The following RBFOX1 variants were observed in gnomAD, a reference collection of about 807,000 sequenced individuals.
The protein encoded by RBFOX1 is RNA binding protein fox-1 homolog 1.
In RBFOX1, 8 loss-of-function variants were observed where a neutral mutation model predicts 57.7. The ratio of observed to expected loss-of-function variants is 0.14; its 90% CI spans 0.08 to 0.25. RBFOX1 has a LOEUF of 0.25. Among genes scored for constraint, RBFOX1 ranks in the 10% least tolerant of loss-of-function variants. RBFOX1 has a pLI of 1.00. For missense variants in RBFOX1, 611 were observed against 548.5 expected (o/e 1.11, Z -1.14); for synonymous variants, 326 against 222.4 (o/e 1.47, Z -4.15).
chr16:6,514,590 G>A (rs1409353461), intron 2 of RBFOX1, among the ~76,000 whole-genome samples: 5 of 152,126 alleles, frequency 3.3e-5, no homozygotes, highest in African/African-American at 7.2e-5. Flanking sequence ...GAGCATTCCT[G>A]ATGTTCCCCT....
chr16:7,328,467 G>T (rs2096641380), intron 4 of RBFOX1, among the ~76,000 whole-genome samples: 1 of 110,926 alleles, frequency 9.0e-6, no homozygotes, highest in Non-Finnish European at 1.7e-5. Context: ...GACAGAGCGA[G>T]ACTCTGTCTC....
At chr16:5,912,010 A>C (rs1345361193) in intron 4 of RBFOX1, among the ~76,000 whole-genome samples, 1 of 152,144 alleles carries the variant, frequency 6.6e-6, no homozygotes, top group African/African-American at 2.4e-5. Context: ...CCAAAGGAGA[A>C]CCTCTAAAAT....
intron 2 of RBFOX1, among the ~76,000 whole-genome samples, chr16:6,364,156 C>G (rs1366190189): frequency 6.6e-6 from 1 of 152,204 alleles, no homozygotes; most frequent in Non-Finnish European, 1.5e-5. Context: ...AAGTCCAACT[C>G]TCCTTTGCAA....
chr16:6,603,704 T>G (rs1377726150), intron 2 of RBFOX1, among the ~76,000 whole-genome samples: 1 of 152,172 alleles, frequency 6.6e-6, no homozygotes, highest in Non-Finnish European at 1.5e-5. Flanking sequence ...ATCCTCTTCT[T>G]TCCCATGGGT....
intron 2 of RBFOX1, among the ~76,000 whole-genome samples, chr16:6,345,312 A>G (rs771698502): frequency 5.3e-5 from 8 of 152,228 alleles, no homozygotes; most frequent in Non-Finnish European, 7.3e-5. Flanking sequence ...GGCTCCCCCT[A>G]TAGGCAGTGT....
intron 4 of RBFOX1, among the ~76,000 whole-genome samples, chr16:5,970,474 A>G (rs977618894): frequency 2.6e-5 from 4 of 152,156 alleles, no homozygotes; most frequent in African/African-American, 7.2e-5. Flanking sequence ...TCTGCTACAC[A>G]TAAGGAACAT....
At chr16:6,621,515 G>C (rs1045967520) in intron 2 of RBFOX1, among the ~76,000 whole-genome samples, 3 of 152,110 alleles carry the variant, frequency 2.0e-5, no homozygotes, top group African/African-American at 7.2e-5. Context: ...TTAGTGTCAG[G>C]CTGTACCCTA....
At chr16:7,333,659 A>G (rs905070955) in intron 4 of RBFOX1, among the ~76,000 whole-genome samples, 5 of 152,204 alleles carry the variant, frequency 3.3e-5, no homozygotes, top group Non-Finnish European at 7.3e-5. Context: ...AGATGTGTAC[A>G]TCTTAATGAT....
chr16:5,289,229 T>A (rs566237805), intron 1 of RBFOX1: 2 of 363,714 alleles, frequency 5.5e-6, no homozygotes, highest in Admixed American at 5.6e-5. Context: ...CTGGGCTGAC[T>A]GGGCACCATC....
intron 3 of RBFOX1, among the ~76,000 whole-genome samples, chr16:6,695,237 G>C (rs908460608): frequency 9.9e-5 from 15 of 151,868 alleles, no homozygotes; most frequent in African/African-American, 3.6e-4. Flanking sequence ...TTGGCCAACA[G>C]GGTGAAACTC....
chr16:7,181,303 G>T (rs191466782), intron 4 of RBFOX1, among the ~76,000 whole-genome samples: 4 of 152,152 alleles, frequency 2.6e-5, no homozygotes, highest in African/African-American at 9.7e-5. Context: ...ACTGGATTCA[G>T]TAAAAGAAAT....
intron 2 of RBFOX1, among the ~76,000 whole-genome samples, chr16:6,561,626 G>C (rs956347117): frequency 1.3e-5 from 2 of 152,182 alleles, no homozygotes; most frequent in Non-Finnish European, 2.9e-5. Flanking sequence ...TTCAGTTGCA[G>C]AATCTGTTCC....
At chr16:6,566,673 C>G (rs1365040317) in intron 2 of RBFOX1, among the ~76,000 whole-genome samples, 1 of 152,174 alleles carries the variant, frequency 6.6e-6, no homozygotes, top group African/African-American at 2.4e-5. Context: ...AGTCTGTCTT[C>G]TCCACAGGCT....
intron 4 of RBFOX1, among the ~76,000 whole-genome samples, chr16:7,132,622 A>G (rs912476589): frequency 1.3e-5 from 2 of 151,960 alleles, no homozygotes; most frequent in Non-Finnish European, 2.9e-5. Context: ...AAAAAACCAC[A>G]CACACACAAT....
At position 6,778,629 on chromosome 16, in the gene RBFOX1, GC is replaced by G. The variant is rs1301029127; in HGVS notation, c.-16+123980del. On this transcript the variant is annotated intron_variant, in intron 3 of 15. Transcript: ENST00000550418. ...CTATAGAATGCAATTAGTTAATATG[GC>G]TAGAGTTCCTTAGTCTATAAAGAGT... is the stretch of plus-strand genomic sequence containing the variant. 2.0e-5 allele frequency among the ~76,000 whole-genome samples: 3 copies of G among 152,108 alleles called. No individual in the cohort carries two copies. The East Asian group carries it at 5.8e-4, about 29-fold the overall frequency.
At chr16:6,017,008 A>T (rs2094997894), upstream of RBFOX1, among the ~76,000 whole-genome samples, 1 of 152,246 alleles carries the variant, frequency 6.6e-6, no homozygotes. Context: ...ACTCATCACT[A>T]ATCTATCTAA....
intron 3 of RBFOX1, chr16:6,773,912 C>G: frequency 1.0e-6 from 1 of 979,810 alleles, no homozygotes; most frequent in Non-Finnish European, 1.2e-6. Context: ...AGTGCATTTG[C>G]GTTGCGGGGG....
intron 1 of RBFOX1, among the ~76,000 whole-genome samples, chr16:5,420,781 C>T (rs1435516899): frequency 6.6e-6 from 1 of 152,012 alleles, no homozygotes; most frequent in East Asian, 1.9e-4. Context: ...AGCGATTCAC[C>T]TGCCTCAGCC....
chr16:6,876,835 G>T (rs1415257700), intron 3 of RBFOX1, among the ~76,000 whole-genome samples: 1 of 152,130 alleles, frequency 6.6e-6, no homozygotes, highest in African/African-American at 2.4e-5. Flanking sequence ...ATGGATTTCA[G>T]ATGTGAGCAA....
Sources: allele counts gnomAD v4.1 joint callset (sites outside exome capture counted in the v4.1 genomes callset), GRCh38; gene constraint gnomAD v4.1.1; transcripts MANE v1.5; gene names NCBI Gene and HGNC (gene_info 2026-07-23, HGNC 2026-07-21).